Variants in TANC1 observed in about 807,000 individuals in gnomAD.
TANC1 encodes the protein tetratricopeptide repeat, ankyrin repeat and coiled-coil containing 1.
A neutral mutation model predicts 149.7 loss-of-function variants in TANC1; 77 were observed. The ratio of observed to expected loss-of-function variants is 0.51; its 90% CI spans 0.43 to 0.62. The LOEUF (loss-of-function observed/expected upper bound fraction) is 0.62. Among genes scored for constraint, TANC1 ranks in the 20% least tolerant of loss-of-function variants. The probability of loss-of-function intolerance (pLI) is 0.00; values close to 1 mark genes in which losing one functional copy is unlikely to be tolerated. For synonymous variants in TANC1, 854 were observed against 925.0 expected (o/e 0.92, Z 1.39); for missense variants, 1,985 against 2,321.8 (o/e 0.85, Z 2.98).
chr2:159,033,852 G>C (rs908490639), intron 2 of TANC1, among the ~76,000 whole-genome samples: 6 of 152,288 alleles, frequency 3.9e-5, no homozygotes, highest in Non-Finnish European at 8.8e-5. Flanking sequence ...ACCAAGGAAA[G>C]CTCTGTTCTT....
At chr2:159,138,877 A>T (rs745798139) in intron 5 of TANC1, among the ~76,000 whole-genome samples, 1 of 152,312 alleles carries the variant, frequency 6.6e-6, no homozygotes, top group East Asian at 1.9e-4. Context: ...TGCTTTGGTC[A>T]TGTAGCTCCA....
At chr2:159,157,986 G>GA (rs577350065) in intron 7 of TANC1, among the ~76,000 whole-genome samples, 104 of 152,218 alleles carry the variant, frequency 6.8e-4, no homozygotes, top group African/African-American at 2.3e-3. Flanking sequence ...TATTATAATA[G>GA]TATATGTACA....
intron 14 of TANC1, among the ~76,000 whole-genome samples, chr2:159,181,602 G>C (rs181762667): frequency 6.6e-6 from 1 of 152,152 alleles, no homozygotes; most frequent in Non-Finnish European, 1.5e-5. Context: ...CGGCCCCCTC[G>C]TTAGATTTTT....
chr2:159,019,660 T>G (rs1417678167), intron 2 of TANC1, among the ~76,000 whole-genome samples: 2 of 39,100 alleles, frequency 5.1e-5, no homozygotes, highest in Non-Finnish European at 5.0e-5. Context: ...TCTGTTTTTT[T>G]TTTTTTTTTT....
chr2:159,097,589 C>T lies in TANC1; in HGVS notation c.62-48C>T, dbSNP rs767077410. 27 of 1,436,310 alleles carry T rather than the reference C, an allele frequency of 1.9e-5. No homozygotes were observed. In the South Asian group the frequency reaches 2.0e-4, roughly 10 times the overall value. 89.0% of individuals were successfully genotyped at this position (1,436,310 alleles called of 1,614,324 possible). On this transcript the variant is annotated intron_variant, in intron 3 of 26. Coordinates refer to ENST00000263635, the MANE Select transcript of TANC1 (RefSeq NM_033394.3). ...TTTATAGGAGTTAAATTTGCATCAA[C>T]TTATAATGAATGGATGGTTTAACCT...
intron 11 of TANC1, among the ~76,000 whole-genome samples, chr2:159,174,639 C>G (rs1348326101): frequency 1.3e-5 from 2 of 152,154 alleles, no homozygotes; most frequent in South Asian, 4.1e-4. Context: ...TGGCTTGGAG[C>G]TGCTGTAAGC....
At chr2:159,051,465 T>C (rs1368495044) in intron 2 of TANC1, among the ~76,000 whole-genome samples, 2 of 152,186 alleles carry the variant, frequency 1.3e-5, no homozygotes, top group Non-Finnish European at 2.9e-5. Context: ...TACTAAGAGC[T>C]TTAATTGAAT....
chr2:159,066,706 C>T (rs2042697948), intron 3 of TANC1, among the ~76,000 whole-genome samples: 1 of 152,186 alleles, frequency 6.6e-6, no homozygotes, highest in Admixed American at 6.5e-5. Context: ...AAATTTTACT[C>T]CTAACAGGTG....
At chr2:159,224,129 G>T in intron 22 of TANC1, 103 bp from the exon 23 acceptor site, 1 of 1,315,940 alleles carries the variant, frequency 7.6e-7, no homozygotes, top group Non-Finnish European at 1.1e-6. Flanking sequence ...ATAGGCAGAG[G>T]CATCTAAAAT....
chr2:159,106,958 A>G (rs1184090904), intron 4 of TANC1, among the ~76,000 whole-genome samples: 1 of 152,110 alleles, frequency 6.6e-6, no homozygotes, highest in Non-Finnish European at 1.5e-5. Context: ...ATTTACAAGT[A>G]TTTTCTTCCA....
intron 13 of TANC1, among the ~76,000 whole-genome samples, chr2:159,176,948 C>T (rs922410619): frequency 5.6e-5 from 7 of 125,388 alleles, no homozygotes; most frequent in South Asian, 2.7e-4. Context: ...CTCGCTCTGT[C>T]ACCCAGGATG....
intron 19 of TANC1, among the ~76,000 whole-genome samples, chr2:159,207,725 A>G (rs996128782): frequency 7.5e-6 from 1 of 133,872 alleles, no homozygotes; most frequent in African/African-American, 3.3e-5. Flanking sequence ...AAAAAAAAAA[A>G]AACAACTCAG....
chr2:159,017,697 T>C (rs201877827), intron 2 of TANC1, among the ~76,000 whole-genome samples: 1 of 77,186 alleles, frequency 1.3e-5, no homozygotes, highest in African/African-American at 6.2e-5. Flanking sequence ...AACAACAAAA[T>C]ATATATATAT....
chr2:159,140,076 A>G (rs1025981001), intron 5 of TANC1, among the ~76,000 whole-genome samples: 1 of 152,078 alleles, frequency 6.6e-6, no homozygotes, highest in Non-Finnish European at 1.5e-5. Context: ...TCAAAAAATT[A>G]GCCAGATATA....
At chr2:159,088,058 T>A (rs2045130613) in intron 3 of TANC1, among the ~76,000 whole-genome samples, 1 of 151,692 alleles carries the variant, frequency 6.6e-6, no homozygotes, top group South Asian at 2.1e-4. Context: ...TGGCCTTGCC[T>A]GATACCTTGA....
chr2:159,079,253 A>G (rs1310065601), intron 3 of TANC1, among the ~76,000 whole-genome samples: 1 of 151,482 alleles, frequency 6.6e-6, no homozygotes, highest in Non-Finnish European at 1.5e-5. Context: ...CTGATCTTGA[A>G]TTCCCGAACT....
At chr2:158,998,845 A>T (rs1050562417) in intron 1 of TANC1, among the ~76,000 whole-genome samples, 3 of 152,136 alleles carry the variant, frequency 2.0e-5, no homozygotes, top group African/African-American at 7.2e-5. Context: ...TCACCATGCC[A>T]TTCCCCCCTC....
intron 19 of TANC1, among the ~76,000 whole-genome samples, chr2:159,205,891 A>G (rs539840488): frequency 1.3e-5 from 2 of 152,266 alleles, no homozygotes; most frequent in Admixed American, 1.3e-4. Flanking sequence ...CATGGAACGC[A>G]CATGGAGGAT....
intron 4 of TANC1, among the ~76,000 whole-genome samples, chr2:159,124,590 A>G (rs1173316764): frequency 6.6e-6 from 1 of 152,166 alleles, no homozygotes; most frequent in Non-Finnish European, 1.5e-5. Flanking sequence ...CTTAAGGCCT[A>G]CTTCCTGAGT....
Sources: allele counts gnomAD v4.1 joint callset (sites outside exome capture counted in the v4.1 genomes callset), GRCh38; gene constraint gnomAD v4.1.1; transcripts MANE v1.5; gene names NCBI Gene and HGNC (gene_info 2026-07-23, HGNC 2026-07-21).